The following SRPX2 variants were observed in gnomAD, a reference collection of about 807,000 sequenced individuals.
SRPX2 encodes sushi repeat-containing protein SRPX2.
A neutral mutation model predicts 45.3 loss-of-function variants in SRPX2; 26 were observed. The observed-to-expected ratio is 0.57, with a 90% CI of 0.42 to 0.80. The LOEUF (loss-of-function observed/expected upper bound fraction) is 0.80. Among genes scored for constraint, SRPX2 ranks in the 30% least tolerant of loss-of-function variants. SRPX2 has a pLI of 0.00. For missense variants in SRPX2, 355 were observed against 399.8 expected (o/e 0.89, Z 0.95); for synonymous variants, 125 against 143.7 (o/e 0.87, Z 0.93).
At chrX:100,655,086 A>G (rs1226567150) in intron 3 of SRPX2, among the ~76,000 whole-genome samples, 1 of 112,288 alleles carries the variant, frequency 8.9e-6, no homozygotes, top group African/African-American at 3.2e-5. Flanking sequence ...AGCGGAGACA[A>G]TGGGCCTGAG....
intron 2 of SRPX2, 74 bp from the exon 3 acceptor site, chrX:100,650,711 T>G: frequency 8.1e-6 from 8 of 982,408 alleles, no homozygotes; most frequent in South Asian, 3.9e-5. Flanking sequence ...CAAAGTTGGA[T>G]GAGAGGGGGA....
At chrX:100,658,290 A>T (rs1022739082) in intron 3 of SRPX2, among the ~76,000 whole-genome samples, 2 of 111,848 alleles carry the variant, frequency 1.8e-5, no homozygotes, top group Non-Finnish European at 1.9e-5. Flanking sequence ...ATTTTTGGAT[A>T]TGAGAGATGG....
intron 4 of SRPX2, among the ~76,000 whole-genome samples, chrX:100,664,019 A>C (rs1420021109): frequency 8.9e-6 from 1 of 111,896 alleles, no homozygotes; most frequent in African/African-American, 3.3e-5. Context: ...TTTGAGGAAT[A>C]AGAGACAAAA....
intron 3 of SRPX2, among the ~76,000 whole-genome samples, chrX:100,660,209 T>C (rs941599283): frequency 9.0e-6 from 1 of 111,540 alleles, no homozygotes; most frequent in Non-Finnish European, 1.9e-5. Context: ...TCTGTGAGTT[T>C]TGACAACTGC....
At chrX:100,657,457 CCTT>C (rs1177221939) in intron 3 of SRPX2, among the ~76,000 whole-genome samples, 8 of 96,399 alleles carry the variant, frequency 8.3e-5, no homozygotes, top group Admixed American at 4.8e-4. Flanking sequence ...TTCAAGCAAT[CCTT>C]CTGCCTCAGC....
chrX:100,663,340 G>C (rs1228361699), intron 4 of SRPX2, among the ~76,000 whole-genome samples: 1 of 111,792 alleles, frequency 8.9e-6, no homozygotes, highest in Non-Finnish European at 1.9e-5. Flanking sequence ...TTAAAATAAT[G>C]GTGACATACA....
chrX:100,650,636 G>A, intron 2 of SRPX2, 149 bp from the exon 3 acceptor site: 1 of 528,013 alleles, frequency 1.9e-6, no homozygotes. Flanking sequence ...TTACAATGCA[G>A]GATTTCCCCC....
Position 100,667,081 on chromosome X carries a change from C to T in SRPX2, c.961+148C>T, listed in dbSNP as rs1391284698. On this transcript the variant is annotated intron_variant, in intron 8 of 10. Transcript: ENST00000373004. ...TGTCTAATTTAAAGGCCAACATTCCCCCGTAGACTACTCCTACCCCAAGAA... is the reference window on the plus strand; with the variant it reads ...TGTCTAATTTAAAGGCCAACATTCCTCCGTAGACTACTCCTACCCCAAGAA... 3.1e-6 allele frequency: 3 copies of T among 972,687 alleles called. No individual in the cohort carries two copies. The African/African-American group carries it at 5.8e-5, about 19-fold the overall frequency. 80.2% of individuals were successfully genotyped at this position (972,687 alleles called of 1,213,427 possible).
chrX:100,662,206 A>G lies in SRPX2; in HGVS notation c.194A>G (p.Gln65Arg). ...VPRWCYTLNI[Q>R]DGEATCYSPK... ...CGATGGTGTTATACATTAAATATCC[A>G]GGATGGAGAAGCCACATGCTACTCA... The change falls in exon 4 of 11, where the codon CAG becomes CGG. Residue 65 changes from glutamine (Q) to arginine (R), a missense_variant. Coordinates refer to ENST00000373004, the MANE Select transcript of SRPX2 (RefSeq NM_014467.3). The G allele has an allele frequency of 8.3e-7, 1 of 1,211,583 alleles. No homozygotes were observed. Among genetic ancestry groups the G allele is most frequent in the Non-Finnish European group, 1.1e-6 (1 of 895,514 alleles).
intron 2 of SRPX2, among the ~76,000 whole-genome samples, chrX:100,646,612 A>G (rs1169084474): frequency 3.6e-5 from 4 of 112,397 alleles, no homozygotes; most frequent in African/African-American, 1.3e-4. Flanking sequence ...AATAGGTGAA[A>G]TAGGCCACAC....
chrX:100,648,612 T>C (rs771934264), intron 2 of SRPX2, among the ~76,000 whole-genome samples: 1 of 112,422 alleles, frequency 8.9e-6, no homozygotes, highest in East Asian at 2.8e-4. Flanking sequence ...AGGTTTAAAG[T>C]GGCAAGATGG....
intron 7 of SRPX2, 60 bp downstream of exon 7, chrX:100,665,717 C>A: frequency 8.3e-7 from 1 of 1,200,468 alleles, no homozygotes; most frequent in East Asian, 3.0e-5. Flanking sequence ...CCTGACCCAC[C>A]CCATGTCTCT....
chrX:100,671,111 T>A lies in SRPX2; in HGVS notation c.*124T>A. 1 of 807,124 alleles carries A rather than the reference T, an allele frequency of 1.2e-6. No individual in the cohort carries two copies. The highest frequency in any genetic ancestry group is 1.8e-6 in the Non-Finnish European group (1 of 555,831). 66.5% of individuals were successfully genotyped at this position (807,124 alleles called of 1,213,427 possible). On this transcript the variant is annotated 3_prime_UTR_variant, in exon 11 of 11. Coordinates refer to ENST00000373004, the MANE Select transcript of SRPX2 (RefSeq NM_014467.3). Reference sequence around the variant, plus strand: ...GGACAGGACTCTGAGGTGGGTGAGTTTGACAAATCCTGCGGTGTTTCCAGG... The same window carrying A: ...GGACAGGACTCTGAGGTGGGTGAGTATGACAAATCCTGCGGTGTTTCCAGG...
intron 4 of SRPX2, among the ~76,000 whole-genome samples, chrX:100,663,669 C>T (rs10521492): frequency 0.057 from 6,380 of 112,397 alleles, 320 homozygotes; most frequent in African/African-American, 0.15. Context: ...TTAGGCAGGA[C>T]TAGAAGTTAG....
At chrX:100,662,879 C>T (rs1356630056) in intron 4 of SRPX2, among the ~76,000 whole-genome samples, 1 of 112,312 alleles carries the variant, frequency 8.9e-6, no homozygotes, top group Non-Finnish European at 1.9e-5. Context: ...CGTCCCCCTT[C>T]AGCTTCCAAA....
At chrX:100,659,669 T>C (rs186996584) in intron 3 of SRPX2, among the ~76,000 whole-genome samples, 1 of 111,084 alleles carries the variant, frequency 9.0e-6, no homozygotes, top group Non-Finnish European at 1.9e-5. Context: ...GCCCCAAGAG[T>C]AGTGTTTACT....
At chrX:100,668,190 C>T (rs1336134483) in intron 9 of SRPX2, among the ~76,000 whole-genome samples, 1 of 109,172 alleles carries the variant, frequency 9.2e-6, no homozygotes, top group Non-Finnish European at 1.9e-5. Context: ...GCTGACAAGA[C>T]TAAGAGAAGC....
In SRPX2 at chrX:100,657,871, G is replaced by A. The variant is rs183601608; in HGVS notation, c.164-4305G>A. Among the ~76,000 whole-genome samples, 4 of 111,768 alleles carry A rather than the reference G, an allele frequency of 3.6e-5. No individual in the cohort carries two copies. The Admixed American group carries it at 3.8e-4, about 10-fold the overall frequency. On this transcript the variant is annotated intron_variant, in intron 3 of 10. Transcript: ENST00000373004. The stretch of plus-strand genomic sequence containing the variant: ...ACGGAGTCTCCTGACCTCGTAATCC[G>A]CCCACCTTGGCCTCCCAAAGTGCTG...
chrX:100,663,967 G>A (rs536623685), intron 4 of SRPX2, among the ~76,000 whole-genome samples: 4 of 112,122 alleles, frequency 3.6e-5, no homozygotes, highest in Non-Finnish European at 7.5e-5. Context: ...AGTATGCCTG[G>A]AGGAGAAAAG....
Sources: gnomAD v4.1 joint callset for allele counts (sites outside exome capture counted in the v4.1 genomes callset) on GRCh38, gnomAD v4.1.1 for gene constraint, MANE v1.5 for transcripts, NCBI Gene and HGNC (gene_info 2026-07-23, HGNC 2026-07-21) for gene names.